The following TNFRSF19 variants were observed in gnomAD, a reference collection of about 807,000 sequenced individuals.
TNFRSF19 encodes the protein tumor necrosis factor receptor superfamily member 19.
A neutral mutation model predicts 46.4 loss-of-function variants in TNFRSF19; 27 were observed. The ratio of observed to expected loss-of-function variants is 0.58; its 90% CI spans 0.43 to 0.80. The LOEUF is 0.80. Among genes scored for constraint, TNFRSF19 ranks in the 30% least tolerant of loss-of-function variants. The probability of loss-of-function intolerance (pLI) is 0.00; values close to 1 mark genes in which losing one functional copy is unlikely to be tolerated. For missense variants in TNFRSF19, 511 were observed against 530.8 expected (o/e 0.96, Z 0.37); for synonymous variants, 204 against 205.0 (o/e 1.00, Z 0.04).
At position 23,669,114 on chromosome 13, in the gene TNFRSF19, G is replaced by T. The variant is rs1951708637; in HGVS notation, c.1245+17G>T. 1 of 1,610,804 alleles carries T rather than the reference G, an allele frequency of 6.2e-7. No homozygotes were observed. The highest frequency in any genetic ancestry group is 8.5e-7 in the Non-Finnish European group (1 of 1,178,840). On this transcript the variant is annotated intron_variant, in intron 9 of 9. Transcript: ENST00000248484. The stretch of plus-strand genomic sequence containing the variant: ...TCCCTCCAGGTAAGGCAGCGACTGG[G>T]TTCCCTGTGAACACAGCACTGACTT...
chr13:23,660,919 G>A (rs1313072706), intron 7 of TNFRSF19, among the ~76,000 whole-genome samples: 3 of 152,126 alleles, frequency 2.0e-5, no homozygotes, highest in African/African-American at 7.2e-5. Context: ...GAGCTGAGAA[G>A]TCCATTTCAA....
At chr13:23,653,855 C>T (rs756966245) in intron 5 of TNFRSF19, among the ~76,000 whole-genome samples, 2 of 152,164 alleles carry the variant, frequency 1.3e-5, no homozygotes, top group African/African-American at 2.4e-5. Context: ...CTCATTTCTG[C>T]AGGGAGAGCA....
intron 3 of TNFRSF19, among the ~76,000 whole-genome samples, chr13:23,602,072 A>C (rs1441547841): frequency 6.6e-6 from 1 of 152,180 alleles, no homozygotes; most frequent in Non-Finnish European, 1.5e-5. Flanking sequence ...CCAATTTATA[A>C]ACATTATCAG....
chr13:23,609,821 A>G (rs1023662510), intron 3 of TNFRSF19, among the ~76,000 whole-genome samples: 1 of 152,236 alleles, frequency 6.6e-6, no homozygotes, highest in Admixed American at 6.5e-5. Context: ...CATTTCTGCC[A>G]TTTAATGACA....
At chr13:23,592,832 G>A (rs1216909102) in intron 2 of TNFRSF19, among the ~76,000 whole-genome samples, 5 of 152,178 alleles carry the variant, frequency 3.3e-5, no homozygotes, top group African/African-American at 1.2e-4. Context: ...CGAAGTTCTT[G>A]TGGCTACGCT....
chr13:23,600,986 G>A (rs1422235914), intron 3 of TNFRSF19, among the ~76,000 whole-genome samples: 3 of 152,158 alleles, frequency 2.0e-5, no homozygotes, highest in Non-Finnish European at 4.4e-5. Context: ...AGTTATCAGA[G>A]AGAATCAAGA....
At chr13:23,669,348 A>G in intron 9 of TNFRSF19, 1 of 1,279,480 alleles carries the variant, frequency 7.8e-7, no homozygotes, top group Non-Finnish European at 9.8e-7. Context: ...ACCACTTAGC[A>G]CAGCACCTGC....
chr13:23,586,780 T>G (rs1179074712), intron 1 of TNFRSF19, among the ~76,000 whole-genome samples: 1 of 152,224 alleles, frequency 6.6e-6, no homozygotes, highest in Non-Finnish European at 1.5e-5. Flanking sequence ...GTTTCCCCGC[T>G]CTGCACTTGG....
intron 4 of TNFRSF19, 147 bp from the exon 5 acceptor site, chr13:23,626,560 A>C: frequency 1.5e-6 from 1 of 684,498 alleles, no homozygotes. Flanking sequence ...CTTCCTCTTC[A>C]AAAATGTGTC....
chr13:23,607,624 T>C (rs115725660), intron 3 of TNFRSF19, among the ~76,000 whole-genome samples: 16 of 152,308 alleles, frequency 1.1e-4, no homozygotes, highest in African/African-American at 3.4e-4. Context: ...TATTGATATA[T>C]ACAACAAAAG....
In TNFRSF19 at chr13:23,615,918, C is replaced by T. The variant is rs1286815641; in HGVS notation, c.232C>T (p.His78Tyr). The T allele has an allele frequency of 1.9e-6, 3 of 1,613,750 alleles. No homozygotes were observed. Among genetic ancestry groups the T allele is most frequent in the African/African-American group, 1.3e-5 (1 of 74,916 alleles). Reference protein sequence around the residue: ...EDAQCVTCRLHRFKEDWGFQK... With the variant: ...EDAQCVTCRLYRFKEDWGFQK... ...TGCACAGTGTGTGACGTGCCGGCTG[C>T]ACAGGTTCAAGGAGGACTGGGGCTT... Residue 78 changes from histidine to tyrosine, a missense_variant, in exon 4 of 10, where the codon CAC (histidine) becomes TAC (tyrosine). This residue lies in a region of TNFRSF19 where 121 missense variants were observed against 124.1 expected (regional missense o/e 0.98). Transcript: ENST00000248484.
chr13:23,669,920 C>G (rs1320237514), intron 9 of TNFRSF19, among the ~76,000 whole-genome samples: 1 of 152,166 alleles, frequency 6.6e-6, no homozygotes, highest in Non-Finnish European at 1.5e-5. Context: ...AGGGCAGAGT[C>G]ACAGCAACAG....
chr13:23,578,300 A>G (rs1470635937), intron 1 of TNFRSF19, among the ~76,000 whole-genome samples: 2 of 152,190 alleles, frequency 1.3e-5, no homozygotes, highest in East Asian at 1.9e-4. Flanking sequence ...TCGTTTACCA[A>G]TAAGTCGTTA....
chr13:23,671,252 AC>A (rs1288309597), intron 9 of TNFRSF19, among the ~76,000 whole-genome samples: 1 of 152,230 alleles, frequency 6.6e-6, no homozygotes, highest in Non-Finnish European at 1.5e-5. Flanking sequence ...AAAGAAAGTT[AC>A]AATTATATCT....
chr13:23,612,818 A>G (rs1425616948), intron 3 of TNFRSF19, among the ~76,000 whole-genome samples: 2 of 152,156 alleles, frequency 1.3e-5, no homozygotes, highest in Non-Finnish European at 2.9e-5. Context: ...ATTAAGTTGT[A>G]TGTTCATTTT....
chr13:23,585,855 C>G (rs1878785905), intron 1 of TNFRSF19, among the ~76,000 whole-genome samples: 1 of 152,186 alleles, frequency 6.6e-6, no homozygotes, highest in Non-Finnish European at 1.5e-5. Context: ...TGATCATTAG[C>G]TCTAGCTCAT....
chr13:23,609,102 T>C (rs1317982669), intron 3 of TNFRSF19, among the ~76,000 whole-genome samples: 1 of 152,216 alleles, frequency 6.6e-6, no homozygotes, highest in Non-Finnish European at 1.5e-5. Context: ...ATAGTTATCT[T>C]TCCTGCATTT....
chr13:23,626,288 A>G (rs567298404), intron 4 of TNFRSF19, among the ~76,000 whole-genome samples: 30 of 151,920 alleles, frequency 2.0e-4, no homozygotes, highest in South Asian at 1.5e-3. Context: ...ACATTCCTGT[A>G]TCAAGATTGT....
intron 1 of TNFRSF19, among the ~76,000 whole-genome samples, chr13:23,586,825 A>G (rs1216841265): frequency 1.3e-5 from 2 of 152,166 alleles, no homozygotes; most frequent in Non-Finnish European, 2.9e-5. Flanking sequence ...TGCTCCTGAT[A>G]CTGCCAAGCT....
Sources: allele counts gnomAD v4.1 joint callset (sites outside exome capture counted in the v4.1 genomes callset), GRCh38; gene constraint gnomAD v4.1.1; regional missense constraint gnomAD v4.1.1; transcripts MANE v1.5; gene names NCBI Gene and HGNC (gene_info 2026-07-23, HGNC 2026-07-21).